TCFL5: variants seen among roughly 807,000 people sequenced by gnomAD.
The protein encoded by TCFL5 is transcription factor like 5.
Under a neutral mutation model 44.3 loss-of-function variants are expected in TCFL5, and 9 were observed. The observed-to-expected ratio is 0.20, with a 90% CI of 0.12 to 0.35. The LOEUF (loss-of-function observed/expected upper bound fraction) is 0.35. Among genes scored for constraint, TCFL5 ranks in the 10% least tolerant of loss-of-function variants. TCFL5 has a pLI of 1.00. For synonymous variants in TCFL5, 319 were observed against 271.6 expected (o/e 1.17, Z -1.72); for missense variants, 603 against 613.4 (o/e 0.98, Z 0.18).
At position 62,844,036 on chromosome 20, in the gene TCFL5, G is replaced by T. The variant is rs139531891; in HGVS notation, c.1381-1939C>A. 6.0e-3 allele frequency among the ~76,000 whole-genome samples: 915 copies of T among 152,294 alleles called. 3 individuals carry two copies. Among genetic ancestry groups the T allele is most frequent in the Non-Finnish European group, 0.01 (709 of 68,028 alleles). On this transcript the variant is annotated intron_variant, in intron 5 of 5. Transcript: ENST00000335351. ...TTCCACCTTTTGGCCACTGTGAAAG[G>T]TGCTGCCATGAATATTCATAGAAAA...
rs145355253 is a variant in TCFL5, at chr20:62,861,512, C to G, written c.159G>C (p.Glu53Asp). Residue 53 changes from glutamate to aspartate, a missense_variant, in exon 1 of 6, where the codon GAG (glutamate) becomes GAC (aspartate). Physicochemically the swap from Glu to Asp is conservative, Grantham distance 45 (BLOSUM62 2). This residue lies in a region of TCFL5 where 540 missense variants were observed against 478.7 expected (regional missense o/e 1.13). Transcript: ENST00000335351. This position sits in a 1 kb window ranked among gnomAD's most constrained non-coding sequence, Gnocchi z 4.0. ...DLSLVEMTEVEYTQLQHILCS... is the reference protein window; with the variant it reads ...DLSLVEMTEVDYTQLQHILCS... Reference sequence around the variant, plus strand: ...AGAGGATGTGCTGCAGCTGCGTGTACTCCACCTCCGTCATCTCCACCAGGC... The same window carrying G: ...AGAGGATGTGCTGCAGCTGCGTGTAGTCCACCTCCGTCATCTCCACCAGGC... The G allele has an allele frequency of 2.3e-5, 27 of 1,190,356 alleles. No individual in the cohort carries two copies. The East Asian group carries it at 1.1e-3, about 47-fold the overall frequency. The allele number at this position is 1,190,356 out of a possible 1,614,324, so 73.7% of individuals were successfully genotyped here.
chr20:62,856,651 A>C (rs1426975356), intron 4 of TCFL5, among the ~76,000 whole-genome samples: 1 of 144,904 alleles, frequency 6.9e-6, no homozygotes, highest in Non-Finnish European at 1.5e-5. Context: ...GCTTCCAGTG[A>C]GCAGAGATCG....
At position 62,842,234 on chromosome 20, in the gene TCFL5, T is replaced by G; in HGVS notation, c.1381-137A>C. ...CTGTTTTAAGGTGTCATTCACAAAC[T>G]TGTGTCTTACCTCACAAGGGGATTT... On this transcript the variant is annotated intron_variant, in intron 5 of 5. Transcript: ENST00000335351. The surrounding 1 kb of genome is among the most constrained non-coding windows in gnomAD (Gnocchi z 4.3). 8.8e-7 allele frequency: 1 copy of G among 1,142,530 alleles called. No homozygotes were observed. The allele number at this position is 1,142,530 out of a possible 1,614,324, so 70.8% of individuals were successfully genotyped here.
intron 5 of TCFL5, chr20:62,844,937 T>C: frequency 1.0e-6 from 1 of 985,160 alleles, no homozygotes; most frequent in Non-Finnish European, 1.2e-6. Context: ...ACTTTCTACT[T>C]AATTCAAGTC....
chr20:62,859,614 C>G, intron 2 of TCFL5, 88 bp from the exon 3 acceptor site: 1 of 1,236,592 alleles, frequency 8.1e-7, no homozygotes, highest in South Asian at 1.4e-5. Context: ...TAACAAACAT[C>G]AAAACTACTA....
rs949232005 is a variant in TCFL5 at position 62,860,115 on chromosome 20, T to G, written c.831+10A>C. ...CAAAAGAGCAAAGCTTCACAAATCA[T>G]GTTCCCTACCTGTGTCTGTGAAAGA... On this transcript the variant is annotated intron_variant, in intron 2 of 5. Coordinates refer to ENST00000335351, the MANE Select transcript of TCFL5 (RefSeq NM_006602.4). 5.6e-6 allele frequency: 9 copies of G among 1,595,660 alleles called. No individual in the cohort carries two copies. The highest frequency in any genetic ancestry group is 7.7e-6 in the Non-Finnish European group (9 of 1,165,994).
At chr20:62,854,932 T>A (rs2063864817) in intron 4 of TCFL5, among the ~76,000 whole-genome samples, 1 of 152,220 alleles carries the variant, frequency 6.6e-6, no homozygotes, top group African/African-American at 2.4e-5. Flanking sequence ...AAACACTCTT[T>A]ACACATCAGC....
chr20:62,844,575 GTTTT>G (rs1169875367), intron 5 of TCFL5, among the ~76,000 whole-genome samples: 18 of 130,238 alleles, frequency 1.4e-4, no homozygotes, highest in Admixed American at 4.3e-4. Context: ...TTTTTTGTTT[GTTTT>G]TTGTTTTTTT....
intron 5 of TCFL5, among the ~76,000 whole-genome samples, chr20:62,848,335 C>T (rs2063769096): frequency 6.6e-6 from 1 of 152,198 alleles, no homozygotes; most frequent in Non-Finnish European, 1.5e-5. Flanking sequence ...CAGACGCCAT[C>T]CCGACTGGGG....
chr20:62,845,616 TG>T, intron 5 of TCFL5: 1 of 1,591,014 alleles, frequency 6.3e-7, no homozygotes, highest in Non-Finnish European at 8.6e-7. Flanking sequence ...CCCTCGGAGC[TG>T]GTCTCGGACT....
chr20:62,856,414 C>T lies in TCFL5; in HGVS notation c.1238+981G>A, dbSNP rs536880048. Among the ~76,000 whole-genome samples, 15 of 151,892 alleles carry T rather than the reference C, an allele frequency of 9.9e-5. No homozygotes were observed. The South Asian group carries it at 3.1e-3, about 32-fold the overall frequency. On this transcript the variant is annotated intron_variant, in intron 4 of 5. Transcript: ENST00000335351. ...TTCCTTCCCAGCAATCTTAAAAGAACCAGGCAATAGCCAGGAGCGGTGGCT... is the reference window on the plus strand; with the variant it reads ...TTCCTTCCCAGCAATCTTAAAAGAATCAGGCAATAGCCAGGAGCGGTGGCT...
chr20:62,852,927 C>T (rs2063831867), intron 5 of TCFL5: 1 of 1,288,182 alleles, frequency 7.8e-7, no homozygotes, highest in Non-Finnish European at 1.0e-6. Flanking sequence ...GAAGTATATT[C>T]ACCCAGTCCG....
chr20:62,843,124 T>A (rs768437044), intron 5 of TCFL5, among the ~76,000 whole-genome samples: 1 of 152,166 alleles, frequency 6.6e-6, no homozygotes, highest in African/African-American at 2.4e-5. Flanking sequence ...GACAAATCAT[T>A]CCCTTTTCAA....
intron 5 of TCFL5, among the ~76,000 whole-genome samples, chr20:62,853,726 C>T (rs1320890878): frequency 3.3e-5 from 5 of 152,172 alleles, no homozygotes; most frequent in Non-Finnish European, 7.3e-5. Context: ...CCTACACACC[C>T]GTCAGCCCCA....
intron 4 of TCFL5, 124 bp from the exon 5 acceptor site, chr20:62,854,281 G>A: frequency 7.9e-7 from 1 of 1,270,594 alleles, no homozygotes. Flanking sequence ...GAGTGCCACG[G>A]AAGCGCCTGT....
At chr20:62,857,969 A>C (rs945820557) in intron 3 of TCFL5, among the ~76,000 whole-genome samples, 4 of 152,062 alleles carry the variant, frequency 2.6e-5, no homozygotes, top group African/African-American at 4.8e-5. Context: ...GAAGTTGTTT[A>C]CTTTTTCTAA....
In TCFL5 at chr20:62,854,169, A is replaced by G. The variant is rs762140786; in HGVS notation, c.1239-12T>C. On this transcript the variant is annotated splice_polypyrimidine_tract_variant and intron_variant, in intron 4 of 5. Coordinates refer to ENST00000335351, the MANE Select transcript of TCFL5 (RefSeq NM_006602.4). ...TGCGGATTCTGCGCCTATAGTCAAA[A>G]CCCAAAGTCATCACCGAGAGAGACC... is the stretch of plus-strand genomic sequence containing the variant. 1.2e-6 allele frequency: 2 copies of G among 1,612,652 alleles called. No individual in the cohort carries two copies. The highest frequency in any genetic ancestry group is 3.4e-5 in the Admixed American group (2 of 59,524).
intron 5 of TCFL5, among the ~76,000 whole-genome samples, chr20:62,850,306 T>A (rs993847756): frequency 1.3e-5 from 2 of 152,138 alleles, no homozygotes; most frequent in Non-Finnish European, 2.9e-5. Context: ...GAATCACTGA[T>A]GGCTGACGCC....
intron 5 of TCFL5, among the ~76,000 whole-genome samples, chr20:62,844,568 TTTG>T (rs1469512112): frequency 8.4e-5 from 12 of 142,160 alleles, no homozygotes; most frequent in African/African-American, 3.0e-4. Flanking sequence ...TCTGTTTTTT[TTTG>T]TTTGTTTTTT....
Sources: gnomAD v4.1 joint callset for allele counts (sites outside exome capture counted in the v4.1 genomes callset) on GRCh38, gnomAD v4.1.1 for gene constraint, gnomAD v4.1.1 regional missense constraint, Gnocchi (gnomAD v3.1) non-coding constraint, MANE v1.5 for transcripts, NCBI Gene and HGNC (gene_info 2026-07-23, HGNC 2026-07-21) for gene names.